PEMT: variants seen among roughly 807,000 people sequenced by gnomAD.
PEMT encodes phospholipid methyltransferase.
A neutral mutation model predicts 27.4 loss-of-function variants in PEMT; 23 were observed. That is an observed-to-expected ratio of 0.84 (90% confidence interval 0.60 to 1.19). The LOEUF is 1.19. Ranked by LOEUF, PEMT falls within the 50% of genes most tolerant of loss-of-function variation. The pLI, the probability that PEMT is intolerant of heterozygous loss-of-function variation, is 0.00. For synonymous variants in PEMT, 137 were observed against 139.1 expected (o/e 0.98, Z 0.11); for missense variants, 307 against 310.1 (o/e 0.99, Z 0.07).
At chr17:17,511,584 G>A (rs943326734) in intron 4 of PEMT, among the ~76,000 whole-genome samples, 5 of 152,344 alleles carry the variant, frequency 3.3e-5, no homozygotes, top group Admixed American at 2.0e-4. Context: ...TTGGTCCCAG[G>A]AGGCTACTGA....
chr17:17,531,899 T>G (rs914534752), intron 2 of PEMT, among the ~76,000 whole-genome samples: 3 of 152,182 alleles, frequency 2.0e-5, no homozygotes, highest in Non-Finnish European at 4.4e-5. Flanking sequence ...TTTTAAAGCT[T>G]CTTCTCTTCA....
rs70965409 is a variant in PEMT, at chr17:17,510,342, C to T, written c.467-797G>A. The stretch of plus-strand genomic sequence containing the variant: ...ACAGTCCCACTGGACACAGAGTAAC[C>T]GCTCCATAAAGGGTGTGGCTTCGTT... On this transcript the variant is annotated intron_variant, in intron 4 of 6. Transcript: ENST00000255389. Among the ~76,000 whole-genome samples the T allele has an allele frequency of 1.1e-3, 166 of 152,294 alleles. 1 individual carries two copies. Among genetic ancestry groups the T allele is most frequent in the African/African-American group, 3.6e-3 (149 of 41,572 alleles).
chr17:17,585,155 T>A (rs547795461), intron 1 of PEMT, among the ~76,000 whole-genome samples: 108 of 152,098 alleles, frequency 7.1e-4, no homozygotes, highest in Non-Finnish European at 1.2e-3. Context: ...CTAGCCGATA[T>A]GGTGAAACCC....
intron 2 of PEMT, among the ~76,000 whole-genome samples, chr17:17,537,961 A>G (rs1908602144): frequency 6.6e-6 from 1 of 152,196 alleles, no homozygotes. Flanking sequence ...TCCAGGGAAG[A>G]TCAGGGCAGA....
chr17:17,558,048 A>G (rs1269190056), intron 2 of PEMT, among the ~76,000 whole-genome samples: 4 of 152,170 alleles, frequency 2.6e-5, no homozygotes, highest in African/African-American at 9.7e-5. Context: ...CACGGAAAGA[A>G]AGGGCAGTGG....
intron 2 of PEMT, among the ~76,000 whole-genome samples, chr17:17,575,428 A>G (rs1278805051): frequency 2.0e-5 from 3 of 152,152 alleles, no homozygotes; most frequent in Non-Finnish European, 2.9e-5. Flanking sequence ...TTGCAGGACC[A>G]TTTTTCAGCC....
intron 2 of PEMT, among the ~76,000 whole-genome samples, chr17:17,535,045 C>T (rs192583494): frequency 2.4e-4 from 37 of 151,860 alleles, no homozygotes; most frequent in African/African-American, 8.0e-4. Context: ...AGAGTAGCTG[C>T]GATTACAGGT....
intron 2 of PEMT, among the ~76,000 whole-genome samples, chr17:17,563,276 A>C (rs1321039518): frequency 6.6e-6 from 1 of 152,150 alleles, no homozygotes. Context: ...CCTCAGGTAC[A>C]TGGGGCTTCT....
At chr17:17,514,494 C>T (rs66637059) in intron 3 of PEMT, among the ~76,000 whole-genome samples, 16,718 of 152,302 alleles carry the variant, frequency 0.11, 1,271 homozygotes, top group Middle Eastern at 0.18. Flanking sequence ...GTGGCAGAGG[C>T]GGGCACACCG....
rs1906586122 is a variant in PEMT, at chr17:17,513,689, A to C, written c.321-1035T>G. On this transcript the variant is annotated intron_variant, in intron 3 of 6. Transcript: ENST00000255389. This position sits in a 1 kb window ranked among gnomAD's most constrained non-coding sequence, Gnocchi z 4.1. ...TTCTCCAGTTGGCTCCGGAGAACTG[A>C]GGGGCTGGTGCAGGGAGGGCACAGG... Among the ~76,000 whole-genome samples, 1 of 152,078 alleles carries C rather than the reference A, an allele frequency of 6.6e-6. No homozygotes were observed. Among genetic ancestry groups the C allele is most frequent in the South Asian group, 2.1e-4 (1 of 4,820 alleles).
intron 2 of PEMT, among the ~76,000 whole-genome samples, chr17:17,562,144 G>C (rs4646368): frequency 6.6e-6 from 1 of 152,048 alleles, no homozygotes; most frequent in South Asian, 2.1e-4. Flanking sequence ...AGAGGCATAG[G>C]GGGCATGAAG....
In PEMT at chr17:17,574,315, C is replaced by CTTTT. The variant is rs551467639; in HGVS notation, c.204+2601_204+2604dup. 1.3e-3 allele frequency among the ~76,000 whole-genome samples: 147 copies of CTTTT among 110,704 alleles called. 1 individual carries two copies. The highest frequency in any genetic ancestry group is 5.1e-3 in the African/African-American group (141 of 27,644). The allele number at this position is 110,704 out of a possible 152,430, so 72.6% of individuals were successfully genotyped here. ...TGCTGTCTTCCAAATCTTACTGCAT[C>CTTTT]TTTTTTTTTTTTTTTTTTTTTAAAG... On this transcript the variant is annotated intron_variant, in intron 2 of 6. Transcript: ENST00000255389.
chr17:17,556,958 A>T (rs1366746490), intron 2 of PEMT, among the ~76,000 whole-genome samples: 1 of 152,188 alleles, frequency 6.6e-6, no homozygotes, highest in East Asian at 1.9e-4. Flanking sequence ...AAAGAGACAG[A>T]GAAGCCCTCA....
At chr17:17,570,880 G>A in intron 2 of PEMT, 1 of 985,416 alleles carries the variant, frequency 1.0e-6, no homozygotes, top group Non-Finnish European at 1.2e-6. Context: ...GGTGAGAAGA[G>A]GGAGTCCATC....
chr17:17,581,300 T>A (rs1911962811), intron 1 of PEMT, among the ~76,000 whole-genome samples: 1 of 152,134 alleles, frequency 6.6e-6, no homozygotes, highest in African/African-American at 2.4e-5. Flanking sequence ...ACAGGACCTG[T>A]CAGTGAGCGC....
At position 17,586,216 on chromosome 17, in the gene PEMT, A is replaced by G. The variant is rs146369686; in HGVS notation, c.96+5315T>C. Reference sequence around the variant, plus strand: ...AAGGAAGGAAAGAAAGAAAGAAAGAAAAAGAAAGAAAGAAAGAAAGAAAGA... The same window carrying G: ...AAGGAAGGAAAGAAAGAAAGAAAGAGAAAGAAAGAAAGAAAGAAAGAAAGA... On this transcript the variant is annotated intron_variant, in intron 1 of 6. Coordinates refer to ENST00000255389, the MANE Select transcript of PEMT (RefSeq NM_148172.3). Among the ~76,000 whole-genome samples, 564 of 79,286 alleles carry G rather than the reference A, an allele frequency of 7.1e-3. 18 individuals carry two copies. Among genetic ancestry groups the G allele is most frequent in the African/African-American group, 0.027 (502 of 18,720 alleles). 52.0% of individuals were successfully genotyped at this position (79,286 alleles called of 152,430 possible).
intron 2 of PEMT, among the ~76,000 whole-genome samples, chr17:17,533,635 T>C (rs867696541): frequency 1.5e-4 from 23 of 152,178 alleles, no homozygotes; most frequent in African/African-American, 5.3e-4. Flanking sequence ...TGGCTAAAAG[T>C]AAAGAGGGTT....
chr17:17,581,266 T>TC (rs1911959650), intron 1 of PEMT, among the ~76,000 whole-genome samples: 1 of 152,140 alleles, frequency 6.6e-6, no homozygotes, highest in African/African-American at 2.4e-5. Context: ...AAGGAGGCCC[T>TC]CACTCTAGGG....
rs555794842 is a variant in PEMT, at chr17:17,568,786, G to A, written c.204+8134C>T. Among the ~76,000 whole-genome samples the A allele has an allele frequency of 3.9e-5, 6 of 152,302 alleles. No individual in the cohort carries two copies. The East Asian group carries it at 1.2e-3, about 29-fold the overall frequency. On this transcript the variant is annotated intron_variant, in intron 2 of 6. Coordinates refer to ENST00000255389, the MANE Select transcript of PEMT (RefSeq NM_148172.3). ...GGCAGGTGAGGGAGCTGCAGGTGAG[G>A]AGGTGACTGAGGTGAGGCAGGAGCA...
Sources: allele counts gnomAD v4.1 joint callset (sites outside exome capture counted in the v4.1 genomes callset), GRCh38; gene constraint gnomAD v4.1.1; non-coding constraint Gnocchi (gnomAD v3.1); transcripts MANE v1.5; gene names NCBI Gene and HGNC (gene_info 2026-07-23, HGNC 2026-07-21).